The following DSCAML1 variants were observed in gnomAD, a reference collection of about 807,000 sequenced individuals.
DSCAML1 encodes the protein DS cell adhesion molecule like 1.
In DSCAML1, 38 loss-of-function variants were observed where a neutral mutation model predicts 200.5. The observed-to-expected ratio is 0.19, with a 90% CI of 0.15 to 0.25. The LOEUF (loss-of-function observed/expected upper bound fraction) is 0.25, where lower values mean the gene tolerates loss of function less well. Among genes scored for constraint, DSCAML1 ranks in the 10% least tolerant of loss-of-function variants. The pLI, the probability that DSCAML1 is intolerant of heterozygous loss-of-function variation, is 1.00. For synonymous variants in DSCAML1, 1,215 were observed against 1,165.0 expected, an observed-to-expected ratio of 1.04 and a Z score of -0.87; for missense variants, 2,223 against 2,858.8, an observed-to-expected ratio of 0.78 and a Z score of 5.07.
chr11:117,659,693 C>T (rs114877498), intron 3 of DSCAML1, among the ~76,000 whole-genome samples: 196 of 151,892 alleles, frequency 1.3e-3, no homozygotes, highest in African/African-American at 4.3e-3. Context: ...CCCTGACTTG[C>T]CCGGCACATG....
intron 3 of DSCAML1, among the ~76,000 whole-genome samples, chr11:117,691,755 C>T (rs2053498499): frequency 6.6e-6 from 1 of 152,160 alleles, no homozygotes; most frequent in South Asian, 2.1e-4. Flanking sequence ...AGGGGAGGGG[C>T]TGGGAGAGGC....
intron 3 of DSCAML1, among the ~76,000 whole-genome samples, chr11:117,701,828 CGT>C (rs992084877): frequency 6.6e-6 from 1 of 152,188 alleles, no homozygotes; most frequent in African/African-American, 2.4e-5. Flanking sequence ...GTGACCTGGA[CGT>C]CCTGGGGATG....
chr11:117,535,258 GC>G (rs2050145310), intron 3 of DSCAML1, among the ~76,000 whole-genome samples: 2 of 152,234 alleles, frequency 1.3e-5, no homozygotes, highest in East Asian at 3.8e-4. Flanking sequence ...GTGAGCTGCT[GC>G]CATGCCACTT....
At chr11:117,524,711 A>C in intron 5 of DSCAML1, 94 bp downstream of exon 5, 1 of 1,432,576 alleles carries the variant, frequency 7.0e-7, no homozygotes. Flanking sequence ...GGGCCTGGTC[A>C]GAGACAGGTC....
In DSCAML1 at chr11:117,437,935, C is replaced by T; in HGVS notation, c.4392G>A (p.Gly1464=). Residue 1464 remains glycine (G), a synonymous_variant, in exon 25 of 33, where the codon GGG becomes GGA. Transcript: ENST00000651296. This position sits in a 1 kb window ranked among gnomAD's most constrained non-coding sequence, Gnocchi z 5.3. ...TGGCCTCGATGATCTCGCTGATGCG[C>T]CCAGAGCCCACGCTGTTCTTGGCTG... is the stretch of plus-strand genomic sequence containing the variant. ...KLAAKNSVGS[G]RISEIIEAKT... 1.2e-6 allele frequency: 2 copies of T among 1,613,290 alleles called. No homozygotes were observed. The highest frequency in any genetic ancestry group is 2.2e-5 in the East Asian group (1 of 44,866).
At chr11:117,577,714 G>A (rs2050972342) in intron 3 of DSCAML1, among the ~76,000 whole-genome samples, 2 of 151,460 alleles carry the variant, frequency 1.3e-5, no homozygotes, top group Admixed American at 6.6e-5. Context: ...TTACAGGCGT[G>A]AGCCACCAAG....
chr11:117,465,428 G>A (rs1053010035), intron 16 of DSCAML1, among the ~76,000 whole-genome samples: 25 of 152,088 alleles, frequency 1.6e-4, no homozygotes, highest in South Asian at 6.2e-4. Flanking sequence ...CTCTTTGGCC[G>A]CATCCCCATC....
chr11:117,564,211 A>G (rs994718576), intron 3 of DSCAML1, among the ~76,000 whole-genome samples: 3 of 152,232 alleles, frequency 2.0e-5, no homozygotes, highest in South Asian at 4.1e-4. Context: ...TTTCATAGAA[A>G]TGTACCAGGG....
In DSCAML1 at chr11:117,518,388, A is replaced by G. The variant is rs1157401581; in HGVS notation, c.1510+78T>C. On this transcript the variant is annotated intron_variant, in intron 7 of 32. Coordinates refer to ENST00000651296, the MANE Select transcript of DSCAML1 (RefSeq NM_020693.4). The surrounding 1 kb of genome is among the most constrained non-coding windows in gnomAD (Gnocchi z 6.3). ...TGACGATTAATAATAAGTACTAATC[A>G]GCACAAGAATAATGGTAACCACAGA... is the stretch of plus-strand genomic sequence containing the variant. The G allele has an allele frequency of 1.3e-6, 2 of 1,577,586 alleles. No individual in the cohort carries two copies. Among genetic ancestry groups the G allele is most frequent in the Non-Finnish European group, 1.7e-6 (2 of 1,151,712 alleles).
intron 3 of DSCAML1, among the ~76,000 whole-genome samples, chr11:117,644,412 C>T (rs2052477541): frequency 6.6e-6 from 1 of 152,244 alleles, no homozygotes; most frequent in Non-Finnish European, 1.5e-5. Context: ...CCGACCTGCT[C>T]CCAGGCCCCA....
chr11:117,785,597 G>A (rs2055338095), intron 1 of DSCAML1, among the ~76,000 whole-genome samples: 1 of 152,256 alleles, frequency 6.6e-6, no homozygotes, highest in Non-Finnish European at 1.5e-5. Flanking sequence ...GCAAGCTTAG[G>A]AAAGCAAGGT....
At chr11:117,571,358 A>G (rs1338774985) in intron 3 of DSCAML1, among the ~76,000 whole-genome samples, 5 of 152,190 alleles carry the variant, frequency 3.3e-5, no homozygotes, top group Non-Finnish European at 7.3e-5. Flanking sequence ...ACAGAGGAGG[A>G]CACTGCAGTG....
At chr11:117,704,245 C>CA (rs2053720197) in intron 3 of DSCAML1, among the ~76,000 whole-genome samples, 1 of 151,938 alleles carries the variant, frequency 6.6e-6, no homozygotes, top group Admixed American at 6.6e-5. Flanking sequence ...TGCCACCACC[C>CA]AAAAAATGAT....
chr11:117,524,777 G>A (rs779234031), intron 5 of DSCAML1, 28 bp downstream of exon 5: 2 of 1,554,856 alleles, frequency 1.3e-6, no homozygotes, highest in Admixed American at 2.0e-5. Flanking sequence ...AGGTTACTGG[G>A]GCTGCAGAAG....
rs897342841 is a variant in DSCAML1, at chr11:117,428,322, C to T, written c.*6G>A. The T allele has an allele frequency of 6.4e-5, 95 of 1,482,746 alleles. No homozygotes were observed. Among genetic ancestry groups the T allele is most frequent in the Admixed American group, 4.7e-4 (25 of 53,580 alleles). 91.8% of individuals were successfully genotyped at this position (1,482,746 alleles called of 1,614,324 possible). On this transcript the variant is annotated 3_prime_UTR_variant, in exon 33 of 33. Transcript: ENST00000651296. Reference sequence around the variant, plus strand: ...GGTCCAGGCGTGGCTGCTCTTCCTGCGGGCCCTACACCAGGGTGTAGGATT... The same window carrying T: ...GGTCCAGGCGTGGCTGCTCTTCCTGTGGGCCCTACACCAGGGTGTAGGATT...
At chr11:117,587,429 C>T (rs1055131246) in intron 3 of DSCAML1, among the ~76,000 whole-genome samples, 5 of 152,128 alleles carry the variant, frequency 3.3e-5, no homozygotes, top group Admixed American at 6.5e-5. Flanking sequence ...CCCTGGCCCC[C>T]TGACCCCCAT....
At chr11:117,674,070 A>G (rs922781435) in intron 3 of DSCAML1, among the ~76,000 whole-genome samples, 13 of 152,336 alleles carry the variant, frequency 8.5e-5, no homozygotes, top group African/African-American at 2.9e-4. Flanking sequence ...TGCCTTCGGT[A>G]GATTCTCCAC....
intron 3 of DSCAML1, among the ~76,000 whole-genome samples, chr11:117,748,742 T>C (rs1308995057): frequency 6.6e-6 from 1 of 152,206 alleles, no homozygotes; most frequent in Admixed American, 6.5e-5. Flanking sequence ...CATGCCCTAC[T>C]GACCCCTGCT....
intron 30 of DSCAML1, among the ~76,000 whole-genome samples, 193 bp from the exon 31 acceptor site, chr11:117,431,921 GGA>G (rs199743458): frequency 8.5e-5 from 13 of 152,088 alleles, no homozygotes; most frequent in South Asian, 2.1e-4. Context: ...TCAAGGTTGG[GGA>G]GGGGGCAGTG....
Sources: gnomAD v4.1 joint callset for allele counts (sites outside exome capture counted in the v4.1 genomes callset) on GRCh38, gnomAD v4.1.1 for gene constraint, Gnocchi (gnomAD v3.1) non-coding constraint, MANE v1.5 for transcripts, NCBI Gene and HGNC (gene_info 2026-07-23, HGNC 2026-07-21) for gene names.